GRM1: variants seen among roughly 807,000 people sequenced by gnomAD.
The protein encoded by GRM1 is metabotropic glutamate receptor 1.
Under a neutral mutation model 90.9 loss-of-function variants are expected in GRM1, and 33 were observed. That is an observed-to-expected ratio of 0.36 (90% CI 0.28 to 0.49). The LOEUF (loss-of-function observed/expected upper bound fraction) is 0.49. Among genes scored for constraint, GRM1 ranks in the 20% least tolerant of loss-of-function variants. The pLI, the probability that GRM1 is intolerant of heterozygous loss-of-function variation, is 0.99. For missense variants in GRM1, 1,190 were observed against 1,534.3 expected (o/e 0.78, Z 3.75); for synonymous variants, 700 against 613.2 (o/e 1.14, Z -2.09).
chr6:146,409,647 T>C (rs1777487755), intron 7 of GRM1, among the ~76,000 whole-genome samples: 1 of 152,154 alleles, frequency 6.6e-6, no homozygotes. Flanking sequence ...AAATACATTT[T>C]AAGTTACAGG....
At chr6:146,031,923 T>G (rs1474172728) in intron 1 of GRM1, among the ~76,000 whole-genome samples, 2 of 152,180 alleles carry the variant, frequency 1.3e-5, no homozygotes, top group African/African-American at 4.8e-5. Flanking sequence ...GCTAGATAAT[T>G]GATTATTAAT....
At chr6:146,164,768 A>C (rs150293285) in intron 2 of GRM1, among the ~76,000 whole-genome samples, 19 of 152,128 alleles carry the variant, frequency 1.2e-4, no homozygotes, top group African/African-American at 4.6e-4. Flanking sequence ...TCCTTTGCCT[A>C]GTGTTGGCAT....
chr6:146,049,669 A>ATCTATCTG (rs1791455775), intron 1 of GRM1, among the ~76,000 whole-genome samples: 1 of 150,348 alleles, frequency 6.7e-6, no homozygotes, highest in Non-Finnish European at 1.5e-5. Context: ...CTATCTATCT[A>ATCTATCTG]TCTATCTATC....
intron 1 of GRM1, among the ~76,000 whole-genome samples, chr6:146,109,694 G>T (rs898222998): frequency 1.3e-5 from 2 of 152,144 alleles, no homozygotes; most frequent in African/African-American, 4.8e-5. Context: ...CTTGCACCAT[G>T]CACCTGGAAA....
chr6:146,281,436 T>C (rs1469341832), intron 2 of GRM1, among the ~76,000 whole-genome samples: 2 of 152,214 alleles, frequency 1.3e-5, no homozygotes, highest in Non-Finnish European at 2.9e-5. Flanking sequence ...GAAATGTTTC[T>C]CTTTTCCCAC....
At chr6:146,068,114 A>ATT (rs34212976) in intron 1 of GRM1, among the ~76,000 whole-genome samples, 53,361 of 145,926 alleles carry the variant, frequency 0.37, 10,282 homozygotes, top group Middle Eastern at 0.5. Context: ...CCTTCAAATA[A>ATT]TTTTTTTTTT....
intron 2 of GRM1, among the ~76,000 whole-genome samples, chr6:146,231,178 A>C (rs1311679253): frequency 6.6e-6 from 1 of 152,158 alleles, no homozygotes; most frequent in African/African-American, 2.4e-5. Context: ...ATGATGTGTC[A>C]ACATATCCTC....
chr6:146,383,486 T>A (rs1776392474), intron 5 of GRM1, among the ~76,000 whole-genome samples: 1 of 152,150 alleles, frequency 6.6e-6, no homozygotes. Flanking sequence ...TTTTCTCATA[T>A]CATTTAGAAA....
intron 1 of GRM1, among the ~76,000 whole-genome samples, chr6:146,064,637 AAAAC>A (rs1295726568): frequency 6.6e-6 from 1 of 151,902 alleles, no homozygotes; most frequent in Non-Finnish European, 1.5e-5. Flanking sequence ...ATCAAAATAA[AAAAC>A]AAGGGGTCAG....
intron 3 of GRM1, among the ~76,000 whole-genome samples, chr6:146,317,122 A>G (rs1784002208): frequency 1.3e-5 from 2 of 152,170 alleles, no homozygotes; most frequent in South Asian, 4.1e-4. Flanking sequence ...CTTCATCTGA[A>G]AGATTTATGT....
rs931337758 is a variant in GRM1 at position 146,321,684 on chromosome 6, T to C, written c.1186+16838T>C. ...GGTGCATATTTAGGATAGTTAGCTATTCTTGTTGCATTGATCCCTTTACCA... is the reference window on the plus strand; with the variant it reads ...GGTGCATATTTAGGATAGTTAGCTACTCTTGTTGCATTGATCCCTTTACCA... On this transcript the variant is annotated intron_variant, in intron 3 of 7. Transcript: ENST00000282753. Among the ~76,000 whole-genome samples, 5 of 152,082 alleles carry C rather than the reference T, an allele frequency of 3.3e-5. No homozygotes were observed. The East Asian group carries it at 9.6e-4, about 29-fold the overall frequency.
chr6:146,105,405 T>C (rs1233130998), intron 1 of GRM1, among the ~76,000 whole-genome samples: 1 of 152,128 alleles, frequency 6.6e-6, no homozygotes, highest in Admixed American at 6.5e-5. Flanking sequence ...TAGGAGTAAG[T>C]TATAAACAAC....
intron 7 of GRM1, among the ~76,000 whole-genome samples, chr6:146,401,349 C>A (rs970131799): frequency 2.0e-5 from 3 of 151,860 alleles, no homozygotes; most frequent in Non-Finnish European, 4.4e-5. Context: ...TTATTCTAGC[C>A]AAACTCCCCT....
chr6:146,219,426 A>C (rs972135899), intron 2 of GRM1, among the ~76,000 whole-genome samples: 3 of 152,078 alleles, frequency 2.0e-5, no homozygotes, highest in Non-Finnish European at 4.4e-5. Flanking sequence ...TGAAGAATGA[A>C]TGAAATAAGA....
intron 5 of GRM1, chr6:146,364,978 A>T (rs1473269184): frequency 1.3e-5 from 2 of 152,134 alleles, no homozygotes; most frequent in African/African-American, 4.8e-5. Flanking sequence ...CAAACTAACC[A>T]TCTAAATCAT....
intron 6 of GRM1, among the ~76,000 whole-genome samples, chr6:146,389,044 A>G (rs1272441511): frequency 6.6e-6 from 1 of 151,964 alleles, no homozygotes; most frequent in Non-Finnish European, 1.5e-5. Context: ...CCTTCCCTCC[A>G]CTTACATTAT....
chr6:146,402,368 G>A (rs1018416809), intron 7 of GRM1, among the ~76,000 whole-genome samples: 4 of 152,008 alleles, frequency 2.6e-5, no homozygotes, highest in African/African-American at 9.7e-5. Context: ...AACTATGTGA[G>A]ACTGTAATTT....
chr6:146,315,922 C>T (rs1783949113), intron 3 of GRM1, among the ~76,000 whole-genome samples: 1 of 152,160 alleles, frequency 6.6e-6, no homozygotes, highest in African/African-American at 2.4e-5. Flanking sequence ...AAGTCATAAC[C>T]AAATACTGTA....
intron 5 of GRM1, among the ~76,000 whole-genome samples, chr6:146,374,869 T>G (rs1253336241): frequency 6.6e-6 from 1 of 152,082 alleles, no homozygotes; most frequent in Non-Finnish European, 1.5e-5. Context: ...TTTGATTTAT[T>G]TCTATTCTGA....
Sources: gnomAD v4.1 joint callset for allele counts (sites outside exome capture counted in the v4.1 genomes callset) on GRCh38, gnomAD v4.1.1 for gene constraint, MANE v1.5 for transcripts, NCBI Gene and HGNC (gene_info 2026-07-23, HGNC 2026-07-21) for gene names.